The following MAD1L1 variants were observed in gnomAD, a reference collection of about 807,000 sequenced individuals.
MAD1L1 encodes mitotic arrest deficient 1 like 1.
A neutral mutation model predicts 96.9 loss-of-function variants in MAD1L1; 95 were observed. The observed-to-expected ratio is 0.98, with a 90% CI of 0.83 to 1.16. The LOEUF is 1.16. Among genes scored for constraint, MAD1L1 ranks in the 50% most tolerant of loss-of-function variants. The pLI is 0.00. For missense variants in MAD1L1, 1,007 were observed against 954.4 expected, an observed-to-expected ratio of 1.06 and a Z score of -0.73; for synonymous variants, 473 against 396.6, an observed-to-expected ratio of 1.19 and a Z score of -2.29.
chr7:1,887,830 T>G (rs373820803), intron 18 of MAD1L1, among the ~76,000 whole-genome samples: 1 of 51,114 alleles, frequency 2.0e-5, no homozygotes, highest in East Asian at 5.5e-4. Context: ...CATGTGTGCA[T>G]GTATGTGGCG....
intron 11 of MAD1L1, among the ~76,000 whole-genome samples, chr7:2,115,807 C>T (rs961923892): frequency 3.3e-5 from 5 of 152,274 alleles, no homozygotes; most frequent in Non-Finnish European, 5.9e-5. Flanking sequence ...GCAGAGGGAA[C>T]GCACTGAGGT....
At chr7:2,096,198 C>A (rs953296641) in intron 11 of MAD1L1, among the ~76,000 whole-genome samples, 1 of 152,222 alleles carries the variant, frequency 6.6e-6, no homozygotes, top group African/African-American at 2.4e-5. Flanking sequence ...TCCTGAGGGA[C>A]CAGCCTCCAG....
At chr7:2,121,631 C>T (rs1197935205) in intron 11 of MAD1L1, among the ~76,000 whole-genome samples, 1 of 152,198 alleles carries the variant, frequency 6.6e-6, no homozygotes, top group Non-Finnish European at 1.5e-5. Context: ...GAAATGTTGC[C>T]AGCAGGAGGC....
chr7:2,060,802 G>A (rs58693389), intron 12 of MAD1L1, among the ~76,000 whole-genome samples: 19,879 of 152,182 alleles, frequency 0.13, 1,867 homozygotes, highest in African/African-American at 0.26. Flanking sequence ...AAACAATAAA[G>A]TGTTTAGAAG....
chr7:1,837,589 C>G (rs967396155), intron 18 of MAD1L1, among the ~76,000 whole-genome samples: 4 of 152,232 alleles, frequency 2.6e-5, no homozygotes, highest in African/African-American at 9.6e-5. Context: ...TGTGGTCTAT[C>G]CGTATGACTG....
intron 11 of MAD1L1, among the ~76,000 whole-genome samples, chr7:2,071,831 G>A (rs1479638782): frequency 3.3e-5 from 5 of 152,054 alleles, no homozygotes; most frequent in Middle Eastern, 3.4e-3. Context: ...CACTCTTCCC[G>A]GAGGGTGGCG....
chr7:1,909,485 G>A (rs1429449365), intron 17 of MAD1L1, among the ~76,000 whole-genome samples: 1 of 152,246 alleles, frequency 6.6e-6, no homozygotes, highest in Admixed American at 6.5e-5. Context: ...GGTTATGGCT[G>A]TGCGATTTGT....
chr7:1,969,669 T>C (rs1369276286), intron 15 of MAD1L1, among the ~76,000 whole-genome samples: 10 of 152,120 alleles, frequency 6.6e-5, no homozygotes, highest in African/African-American at 2.4e-4. Context: ...ATCAGCAAAG[T>C]TGCAAAATAC....
At chr7:2,052,565 G>A (rs1439363513) in intron 12 of MAD1L1, among the ~76,000 whole-genome samples, 1 of 152,166 alleles carries the variant, frequency 6.6e-6, no homozygotes, top group Non-Finnish European at 1.5e-5. Flanking sequence ...TGGGGCCTAG[G>A]TATACAGTGG....
chr7:2,151,967 C>T (rs1035448065), intron 10 of MAD1L1, among the ~76,000 whole-genome samples: 4 of 152,212 alleles, frequency 2.6e-5, no homozygotes, highest in Admixed American at 6.5e-5. Flanking sequence ...CTCCATCACC[C>T]AAGGAGCAGG....
In MAD1L1 at chr7:2,142,829, G is replaced by A. The variant is rs1789109036; in HGVS notation, c.1073+6323C>T. ...GCTGGGAACACATGGCTGAGGCCAT[G>A]GTCAGTTCAAGGGCAGGCCAGAACT... On this transcript the variant is annotated intron_variant, in intron 11 of 18. Transcript: ENST00000265854. This position sits in a 1 kb window ranked among gnomAD's most constrained non-coding sequence, Gnocchi z 4.7. Among the ~76,000 whole-genome samples the A allele has an allele frequency of 6.6e-6, 1 of 152,208 alleles. No homozygotes were observed. Among genetic ancestry groups the A allele is most frequent in the Non-Finnish European group, 1.5e-5 (1 of 68,036 alleles).
In MAD1L1 at chr7:1,936,412, G is replaced by A. The variant is rs111795476; in HGVS notation, c.1807+275C>T. ...GTACATATAAACTGACAAATGATAC[G>A]AATTAGTTTAAGGGCCTGAAATTTC... On this transcript the variant is annotated intron_variant, in intron 17 of 18. Coordinates refer to ENST00000265854, the MANE Select transcript of MAD1L1 (RefSeq NM_001013836.2). Among the ~76,000 whole-genome samples, 684 of 152,332 alleles carry A rather than the reference G, an allele frequency of 4.5e-3. 6 individuals are homozygous for A. The highest frequency in any genetic ancestry group is 0.016 in the African/African-American group (645 of 41,572).
At chr7:1,865,215 G>A (rs1480132042) in intron 18 of MAD1L1, among the ~76,000 whole-genome samples, 1 of 152,024 alleles carries the variant, frequency 6.6e-6, no homozygotes, top group Non-Finnish European at 1.5e-5. Context: ...ACAGAGTCAG[G>A]GGCCCAAGGC....
At chr7:1,978,417 T>C (rs1780744841) in intron 15 of MAD1L1, among the ~76,000 whole-genome samples, 1 of 152,190 alleles carries the variant, frequency 6.6e-6, no homozygotes, top group Non-Finnish European at 1.5e-5. Context: ...TCGGAGGGGC[T>C]CCCAGCACCA....
At chr7:2,198,754 C>G (rs1025926958) in intron 10 of MAD1L1, among the ~76,000 whole-genome samples, 1 of 152,308 alleles carries the variant, frequency 6.6e-6, no homozygotes, top group African/African-American at 2.4e-5. Flanking sequence ...CTCTTGGTAG[C>G]CCCTACTCCT....
chr7:2,222,498 C>A (rs1013595904), intron 5 of MAD1L1, 77 bp downstream of exon 5: 8 of 1,311,910 alleles, frequency 6.1e-6, no homozygotes, highest in South Asian at 1.5e-5. Flanking sequence ...CACAAGCGGG[C>A]ACTGCAGTGG....
intron 18 of MAD1L1, among the ~76,000 whole-genome samples, chr7:1,862,501 TCCCTGCCTTGCCCCTCCCA>T (rs1203053037): frequency 6.6e-6 from 1 of 152,150 alleles, no homozygotes; most frequent in Non-Finnish European, 1.5e-5. Context: ...GATCCCTCCC[TCCCTGCCTTGCCCCTCCCA>T]AGCTGTGTGA....
At position 1,918,906 on chromosome 7, in the gene MAD1L1, A is replaced by G. The variant is rs58626486; in HGVS notation, c.1807+17781T>C. Among the ~76,000 whole-genome samples, 56 of 151,354 alleles carry G rather than the reference A, an allele frequency of 3.7e-4. No homozygotes were observed. In the East Asian group the frequency reaches 9.5e-3, roughly 26 times the overall value. On this transcript the variant is annotated intron_variant, in intron 17 of 18. Coordinates refer to ENST00000265854, the MANE Select transcript of MAD1L1 (RefSeq NM_001013836.2). ...CCTCCCCTCTCTACAGGGCGCCTCA[A>G]TGAGTGCACAGGGTGAGAGCACGTG... is the stretch of plus-strand genomic sequence containing the variant.
intron 12 of MAD1L1, among the ~76,000 whole-genome samples, chr7:2,045,870 A>T (rs1462082386): frequency 3.3e-5 from 5 of 152,122 alleles, no homozygotes; most frequent in Admixed American, 6.5e-5. Context: ...GTAGTCCTTA[A>T]ATCCAAACGT....
Sources: gnomAD v4.1 joint callset for allele counts (sites outside exome capture counted in the v4.1 genomes callset) on GRCh38, gnomAD v4.1.1 for gene constraint, Gnocchi (gnomAD v3.1) non-coding constraint, MANE v1.5 for transcripts, NCBI Gene and HGNC (gene_info 2026-07-23, HGNC 2026-07-21) for gene names.